XYLT1: variants seen among roughly 807,000 people sequenced by gnomAD.
XYLT1 encodes xylosyltransferase 1, also known as beta-D-xylosyltransferase 1.
A neutral mutation model predicts 91.3 loss-of-function variants in XYLT1; 36 were observed. The observed-to-expected ratio is 0.39, with a 90% CI of 0.30 to 0.52. The LOEUF (loss-of-function observed/expected upper bound fraction) is 0.52, where lower values mean the gene tolerates loss of function less well. Ranked by LOEUF, XYLT1 falls within the 20% of genes least tolerant of loss-of-function variation. The pLI is 0.68. For missense variants in XYLT1, 1,242 were observed against 1,284.5 expected (o/e 0.97, Z 0.51); for synonymous variants, 588 against 532.0 (o/e 1.11, Z -1.45).
chr16:17,304,825 C>A lies in XYLT1; in HGVS notation c.403-45327G>T, dbSNP rs1416468192. ...AGCATTCAAGATAAATATATCTATT[C>A]ATTTGTATATCCCCCAACTTGGCAC... On this transcript the variant is annotated intron_variant, in intron 2 of 11. Coordinates refer to ENST00000261381, the MANE Select transcript of XYLT1 (RefSeq NM_022166.4). 2.6e-5 allele frequency among the ~76,000 whole-genome samples: 4 copies of A among 152,168 alleles called. No individual in the cohort carries two copies. In the East Asian group the frequency reaches 7.7e-4, roughly 29 times the overall value.
intron 2 of XYLT1, among the ~76,000 whole-genome samples, chr16:17,310,674 C>T: frequency 6.6e-6 from 1 of 152,076 alleles, no homozygotes; most frequent in East Asian, 1.9e-4. Flanking sequence ...CATGGCGAAA[C>T]CCCATCTCTA....
chr16:17,192,722 C>T (rs561239274), intron 5 of XYLT1: 1 of 151,806 alleles, frequency 6.6e-6, no homozygotes, highest in African/African-American at 2.4e-5. Context: ...ATGCCAAGTT[C>T]AGGAATATTC....
At chr16:17,198,493 T>A in intron 4 of XYLT1, 79 bp from the exon 5 acceptor site, 1 of 1,425,728 alleles carries the variant, frequency 7.0e-7, no homozygotes, top group South Asian at 1.3e-5. Flanking sequence ...CTGTCCCCTC[T>A]CTGTGTCTTC....
At chr16:17,197,954 G>A (rs1224719641) in intron 5 of XYLT1, 29 of 542,318 alleles carry the variant, frequency 5.3e-5, no homozygotes, top group South Asian at 4.3e-4. Context: ...AGCTCCACGC[G>A]GGTTGGAGTT....
chr16:17,157,646 C>A (rs1167927657), intron 6 of XYLT1, among the ~76,000 whole-genome samples: 1 of 152,176 alleles, frequency 6.6e-6, no homozygotes, highest in Admixed American at 6.5e-5. Flanking sequence ...CTAAACCATG[C>A]ACGTTAACAA....
intron 1 of XYLT1, among the ~76,000 whole-genome samples, chr16:17,395,904 T>G (rs2035879725): frequency 6.6e-6 from 1 of 152,126 alleles, no homozygotes; most frequent in Non-Finnish European, 1.5e-5. Flanking sequence ...TGTTCACCAT[T>G]CCTACAATCA....
chr16:17,311,145 C>G (rs1267929308), intron 2 of XYLT1, among the ~76,000 whole-genome samples: 1 of 152,270 alleles, frequency 6.6e-6, no homozygotes, highest in Middle Eastern at 3.4e-3. Context: ...AACAGCAAGT[C>G]ACCAAGCTCT....
At chr16:17,322,369 GATAAT>G (rs1890879141) in intron 2 of XYLT1, among the ~76,000 whole-genome samples, 1 of 152,180 alleles carries the variant, frequency 6.6e-6, no homozygotes, top group Non-Finnish European at 1.5e-5. Context: ...CCATGAACTA[GATAAT>G]ATAATCATCA....
intron 3 of XYLT1, among the ~76,000 whole-genome samples, chr16:17,231,428 A>C (rs1182359406): frequency 1.3e-5 from 2 of 152,172 alleles, no homozygotes; most frequent in Non-Finnish European, 1.5e-5. Flanking sequence ...GCTGGCTTGG[A>C]ATTTGCAGCC....
At chr16:17,354,150 T>C (rs764678684) in intron 2 of XYLT1, among the ~76,000 whole-genome samples, 1 of 152,188 alleles carries the variant, frequency 6.6e-6, no homozygotes, top group Non-Finnish European at 1.5e-5. Flanking sequence ...GCAGTCACCA[T>C]CTGGAGACCA....
chr16:17,138,046 AT>A (rs2030813448), intron 8 of XYLT1, among the ~76,000 whole-genome samples: 5 of 118,666 alleles, frequency 4.2e-5, no homozygotes, highest in African/African-American at 1.2e-4. Context: ...AGAAGATGAT[AT>A]GAGTATGGCC....
chr16:17,400,644 G>GAAGT (rs1178910239), intron 1 of XYLT1, among the ~76,000 whole-genome samples: 2 of 97,382 alleles, frequency 2.1e-5, no homozygotes, highest in African/African-American at 4.4e-5. Flanking sequence ...AGGAAGGAAG[G>GAAGT]AAGGAAGGAA....
intron 1 of XYLT1, among the ~76,000 whole-genome samples, chr16:17,409,139 A>G (rs546406253): frequency 1.3e-5 from 2 of 152,352 alleles, no homozygotes; most frequent in South Asian, 4.1e-4. Flanking sequence ...GGAAGCTGCC[A>G]AAGTGTACCA....
chr16:17,370,380 C>A (rs934928497), intron 1 of XYLT1, among the ~76,000 whole-genome samples: 1 of 152,198 alleles, frequency 6.6e-6, no homozygotes, highest in African/African-American at 2.4e-5. Context: ...GGTTGGGGGA[C>A]CCTCGCTCAC....
At chr16:17,457,881 C>T (rs2036765652) in intron 1 of XYLT1, among the ~76,000 whole-genome samples, 1 of 152,044 alleles carries the variant, frequency 6.6e-6, no homozygotes, top group Admixed American at 6.6e-5. Context: ...AATAAGATTT[C>T]CCATTACATC....
chr16:17,282,981 T>C (rs1474413679), intron 2 of XYLT1, among the ~76,000 whole-genome samples: 1 of 149,832 alleles, frequency 6.7e-6, no homozygotes, highest in Non-Finnish European at 1.5e-5. Flanking sequence ...GTCACACAGC[T>C]AGTAAGCAGC....
At chr16:17,200,168 C>G (rs558873766) in intron 4 of XYLT1, among the ~76,000 whole-genome samples, 1 of 150,976 alleles carries the variant, frequency 6.6e-6, no homozygotes, top group African/African-American at 2.4e-5. Context: ...TTGCAGTGAG[C>G]GGAGATCATG....
intron 1 of XYLT1, among the ~76,000 whole-genome samples, chr16:17,381,211 A>G (rs1334456730): frequency 6.6e-6 from 1 of 152,122 alleles, no homozygotes; most frequent in African/African-American, 2.4e-5. Flanking sequence ...AAAGAGAAAT[A>G]AGAAAATCCT....
intron 8 of XYLT1, 136 bp from the exon 9 acceptor site, chr16:17,134,871 G>A (rs1395026804): frequency 3.0e-6 from 3 of 1,012,460 alleles, no homozygotes; most frequent in East Asian, 4.8e-5. Flanking sequence ...TTGCACCTCT[G>A]TGTTCTCAGT....
Sources: allele counts gnomAD v4.1 joint callset (sites outside exome capture counted in the v4.1 genomes callset), GRCh38; gene constraint gnomAD v4.1.1; transcripts MANE v1.5; gene names NCBI Gene and HGNC (gene_info 2026-07-23, HGNC 2026-07-21).